The following FBXW7 variants were observed in gnomAD, a reference collection of about 807,000 sequenced individuals.
FBXW7 encodes F-box and WD repeat domain containing 7, also known as F-box/WD repeat-containing protein 7.
FBXW7 carries 11 observed loss-of-function variants against 86.3 expected under a neutral mutation model. That is an observed-to-expected ratio of 0.13 (90% CI 0.08 to 0.21). FBXW7 has a LOEUF of 0.21. FBXW7 is among the 10% of genes least tolerant of loss of function. The pLI, the probability that FBXW7 is intolerant of heterozygous loss-of-function variation, is 1.00. For synonymous variants in FBXW7, 313 were observed against 297.9 expected (o/e 1.05, Z -0.52); for missense variants, 488 against 847.4 (o/e 0.58, Z 5.27).
intron 2 of FBXW7, among the ~76,000 whole-genome samples, chr4:152,473,624 G>A (rs185885998): frequency 2.0e-5 from 3 of 151,978 alleles, no homozygotes; most frequent in African/African-American, 4.8e-5. Context: ...AGGACTACAG[G>A]TGTGCACCAC....
intron 2 of FBXW7, chr4:152,530,532 A>G (rs774386576): frequency 1.3e-5 from 2 of 152,220 alleles, no homozygotes; most frequent in Non-Finnish European, 2.9e-5. Context: ...CCTACTTTTT[A>G]GCTGCATCCC....
intron 2 of FBXW7, among the ~76,000 whole-genome samples, chr4:152,528,505 A>G (rs2149743391): frequency 6.6e-6 from 1 of 152,356 alleles, no homozygotes; most frequent in Non-Finnish European, 1.5e-5. Context: ...CAAAAATTGT[A>G]AAAGAACACC....
chr4:152,384,977 T>C (rs1735408174), intron 4 of FBXW7, among the ~76,000 whole-genome samples: 1 of 152,210 alleles, frequency 6.6e-6, no homozygotes, highest in African/African-American at 2.4e-5. Context: ...TAAGACTAAT[T>C]GTTTTGTTTG....
chr4:152,510,012 GGGGAAATAAA>G (rs1747810999), intron 2 of FBXW7, among the ~76,000 whole-genome samples: 1 of 152,140 alleles, frequency 6.6e-6, no homozygotes, highest in Non-Finnish European at 1.5e-5. Flanking sequence ...AAGTATAAGA[GGGGAAATAAA>G]GGGAAATAAC....
intron 4 of FBXW7, among the ~76,000 whole-genome samples, chr4:152,396,575 C>T (rs1443888780): frequency 6.6e-6 from 1 of 152,048 alleles, no homozygotes; most frequent in Non-Finnish European, 1.5e-5. Flanking sequence ...ATCTCTGCCA[C>T]TCAAAGAAGG....
intron 2 of FBXW7, among the ~76,000 whole-genome samples, chr4:152,431,871 A>G (rs985041144): frequency 4.6e-5 from 7 of 152,218 alleles, no homozygotes; most frequent in Non-Finnish European, 1.0e-4. Flanking sequence ...GCTTATTCTA[A>G]AGCTCAAAAC....
chr4:152,473,605 G>C (rs1744147401), intron 2 of FBXW7, among the ~76,000 whole-genome samples: 1 of 151,970 alleles, frequency 6.6e-6, no homozygotes, highest in Admixed American at 6.6e-5. Flanking sequence ...CTCAGCTTCT[G>C]GAGTAGCTAG....
rs538797256 is a variant in FBXW7, at chr4:152,440,182, T to C, written c.-119-27653A>G. ...ACTAAATTTAAATTCTGGTATATAC[T>C]ATGTCTTCTAAAAAAATTTTTTTTC... On this transcript the variant is annotated intron_variant, in intron 2 of 13. Transcript: ENST00000281708. Among the ~76,000 whole-genome samples the C allele has an allele frequency of 6.6e-5, 10 of 152,334 alleles. No individual in the cohort carries two copies. The South Asian group carries it at 1.0e-3, about 16-fold the overall frequency.
At chr4:152,444,054 ATGTG>A (rs1741144536) in intron 2 of FBXW7, among the ~76,000 whole-genome samples, 1 of 152,140 alleles carries the variant, frequency 6.6e-6, no homozygotes, top group Non-Finnish European at 1.5e-5. Context: ...CTCTACAAAC[ATGTG>A]CTTCTCTACA....
rs1406877044 is a variant in FBXW7 at position 152,346,986 on chromosome 4, G to T, written c.670C>A (p.Arg224=). 1 of 1,613,502 alleles carries T rather than the reference G, an allele frequency of 6.2e-7. No homozygotes were observed. The highest frequency in any genetic ancestry group is 2.2e-5 in the East Asian group (1 of 44,856). The change falls in exon 6 of 14, where the codon CGA becomes AGA. Residue 224 remains arginine (R), a synonymous_variant. Coordinates refer to ENST00000281708, the MANE Select transcript of FBXW7 (RefSeq NM_001349798.2). ...AANGQGQQRR[R]ITSVQPPTGL... ...GTAGGTGGCTGGACAGATGTAATTC[G>T]GCGTCGTTGTTGCCCTTGGCCATTG...
intron 4 of FBXW7, among the ~76,000 whole-genome samples, chr4:152,365,344 T>C (rs963722672): frequency 2.0e-5 from 3 of 152,148 alleles, no homozygotes; most frequent in African/African-American, 7.2e-5. Context: ...TAATCAGATG[T>C]TATTTCTTGA....
rs910205546 is a variant in FBXW7 at position 152,535,004 on chromosome 4, G to A, written c.-183C>T. On this transcript the variant is annotated 5_prime_UTR_variant, in exon 2 of 14. Coordinates refer to ENST00000281708, the MANE Select transcript of FBXW7 (RefSeq NM_001349798.2). ...GGTTCCCTTCCTCCTTCGGACTGAAGCGGCAGCTGCGGAAGGCTCCGGCGC... is the reference window on the plus strand; with the variant it reads ...GGTTCCCTTCCTCCTTCGGACTGAAACGGCAGCTGCGGAAGGCTCCGGCGC... The A allele has an allele frequency of 6.6e-6, 1 of 152,258 alleles. No homozygotes were observed. The highest frequency in any genetic ancestry group is 2.4e-5 in the African/African-American group (1 of 41,448). 9.4% of individuals were successfully genotyped at this position (152,258 alleles called of 1,614,324 possible).
intron 2 of FBXW7, among the ~76,000 whole-genome samples, chr4:152,463,494 G>A (rs1743143821): frequency 6.6e-6 from 1 of 152,050 alleles, no homozygotes; most frequent in African/African-American, 2.4e-5. Context: ...ATTAACAAGT[G>A]TAGACAAGAA....
intron 2 of FBXW7, among the ~76,000 whole-genome samples, chr4:152,478,864 T>C (rs1744640955): frequency 1.3e-5 from 2 of 152,272 alleles, no homozygotes; most frequent in South Asian, 2.1e-4. Flanking sequence ...TGGAGAAATA[T>C]CTGTTCAAGT....
At chr4:152,501,945 A>G (rs1224498709) in intron 2 of FBXW7, among the ~76,000 whole-genome samples, 1 of 152,154 alleles carries the variant, frequency 6.6e-6, no homozygotes, top group African/African-American at 2.4e-5. Context: ...TTTCATGCCT[A>G]TAAGAGATGC....
At chr4:152,345,523 T>C (rs1046180553) in intron 6 of FBXW7, among the ~76,000 whole-genome samples, 1 of 152,100 alleles carries the variant, frequency 6.6e-6, no homozygotes, top group Admixed American at 6.6e-5. Flanking sequence ...GTATTGCCTC[T>C]ACTTACTAGA....
At chr4:152,402,004 G>A (rs984091804) in intron 4 of FBXW7, among the ~76,000 whole-genome samples, 2 of 152,120 alleles carry the variant, frequency 1.3e-5, no homozygotes, top group African/African-American at 4.8e-5. Flanking sequence ...AGATACATAT[G>A]AAATACTAGG....
chr4:152,525,240 C>T (rs1749402559), intron 2 of FBXW7, among the ~76,000 whole-genome samples: 1 of 152,060 alleles, frequency 6.6e-6, no homozygotes, highest in South Asian at 2.1e-4. Flanking sequence ...ACATTTACAC[C>T]AAAATCTAAA....
chr4:152,351,402 A>C (rs1284270214), intron 4 of FBXW7, among the ~76,000 whole-genome samples: 1 of 152,058 alleles, frequency 6.6e-6, no homozygotes, highest in Admixed American at 6.6e-5. Context: ...TGCCATACCT[A>C]CTGGAAAGAA....
Sources: gnomAD v4.1 joint callset for allele counts (sites outside exome capture counted in the v4.1 genomes callset) on GRCh38, gnomAD v4.1.1 for gene constraint, MANE v1.5 for transcripts, NCBI Gene and HGNC (gene_info 2026-07-23, HGNC 2026-07-21) for gene names.